The following PCDHB16 variants were observed in gnomAD, a reference collection of about 807,000 sequenced individuals.
PCDHB16 encodes protocadherin beta 16, also known as protocadherin beta-16.
For synonymous variants in PCDHB16, 444 were observed against 436.5 expected (o/e 1.02, Z -0.21); for missense variants, 1,026 against 989.9 (o/e 1.04, Z -0.49).
rs369153413 is a variant in PCDHB16, at chr5:141,183,268, G to A, written c.709G>A (p.Asp237Asn). The A allele has an allele frequency of 1.7e-5, 27 of 1,614,180 alleles. No homozygotes were observed. In the Middle Eastern group the frequency reaches 9.9e-4, roughly 59 times the overall value. The change falls in exon 1 of 1, where the codon GAT (aspartate) becomes AAT (asparagine). Residue 237 changes from aspartate to asparagine, a missense_variant. Coordinates refer to ENST00000609684, the MANE Select transcript of PCDHB16 (RefSeq NM_020957.4). ...CCGTATTGAAGTGGTGGACATCAAT[G>A]ATAACGCTCCTGAGTTTGAGCAGCC... Reference protein sequence around the residue: ...QVRIEVVDINDNAPEFEQPIY... With the variant: ...QVRIEVVDINNNAPEFEQPIY...
chr5:141,184,909 G>T lies in PCDHB16; in HGVS notation c.*19G>T. 1.2e-6 allele frequency: 2 copies of T among 1,609,806 alleles called. No individual in the cohort carries two copies. Among genetic ancestry groups the T allele is most frequent in the Non-Finnish European group, 8.5e-7 (1 of 1,177,882 alleles). ...TCCTTAGGGCACTAGGAAAGAAATAGATTAAAATTCCACCCTTCACAATAG... is the reference window on the plus strand; with the variant it reads ...TCCTTAGGGCACTAGGAAAGAAATATATTAAAATTCCACCCTTCACAATAG... On this transcript the variant is annotated 3_prime_UTR_variant, in exon 1 of 1. Transcript: ENST00000609684.
rs1554282084 is a variant in PCDHB16 at position 141,183,145 on chromosome 5, T to C, written c.586T>C (p.Leu196=). The stretch of plus-strand genomic sequence containing the variant: ...TGGCAGGAAATACCCTGAGCTAGTG[T>C]TGGATAAAGAGCTGGATCGGGAGGA... ...RDGRKYPELV[L]DKELDREEEP... is the part of the protein sequence containing the mutation. The change falls in exon 1 of 1, where the codon TTG becomes CTG. Residue 196 remains leucine (L), a synonymous_variant. Coordinates refer to ENST00000609684, the MANE Select transcript of PCDHB16 (RefSeq NM_020957.4). The C allele has an allele frequency of 6.2e-7, 1 of 1,614,044 alleles. No individual in the cohort carries two copies. Among genetic ancestry groups the C allele is most frequent in the African/African-American group, 1.3e-5 (1 of 74,928 alleles).
Position 141,184,836 on chromosome 5 carries a change from A to T in PCDHB16, c.2277A>T (p.Ser759=), listed in dbSNP as rs782172376. ...YQYEVCLTGG[S]ETSEFKFLKP... is the part of the protein sequence containing the mutation. ...ACGAGGTGTGTCTGACAGGAGGCTC[A>T]GAAACAAGTGAGTTCAAGTTCCTGA... The change falls in exon 1 of 1, where the codon TCA becomes TCT. Residue 759 remains serine (S), a synonymous_variant. Coordinates refer to ENST00000609684, the MANE Select transcript of PCDHB16 (RefSeq NM_020957.4). 7 of 1,614,232 alleles carry T rather than the reference A, an allele frequency of 4.3e-6. No individual in the cohort carries two copies. Among genetic ancestry groups the T allele is most frequent in the Non-Finnish European group, 5.9e-6 (7 of 1,180,040 alleles).
At position 141,184,627 on chromosome 5, in the gene PCDHB16, CTGG is replaced by C; in HGVS notation, c.2075_2077del (p.Val692del). On this transcript the variant is annotated inframe_deletion, in exon 1 of 1. Transcript: ENST00000609684. The stretch of plus-strand genomic sequence containing the variant: ...CCAGGCCAACTCGCTCACTGTCTAC[CTGG>C]TGGTGGCGTTGGCCTCGGTGTCGTC... 6.2e-7 allele frequency: 1 copy of C among 1,612,822 alleles called. No homozygotes were observed. The highest frequency in any genetic ancestry group is 2.2e-5 in the East Asian group (1 of 44,868).
In PCDHB16 at chr5:141,184,007, A is replaced by G; in HGVS notation, c.1448A>G (p.Asn483Ser). ...GCCACAGACAGAGACTCGGGCACCAACGCCCAGGTCACCTACTCGCTGCTG... is the reference window on the plus strand; with the variant it reads ...GCCACAGACAGAGACTCGGGCACCAGCGCCCAGGTCACCTACTCGCTGCTG... Reference protein sequence around the residue: ...VSATDRDSGTNAQVTYSLLPP... With the variant: ...VSATDRDSGTSAQVTYSLLPP... The change falls in exon 1 of 1, where the codon AAC becomes AGC. Residue 483 changes from asparagine (N) to serine (S), a missense_variant. Coordinates refer to ENST00000609684, the MANE Select transcript of PCDHB16 (RefSeq NM_020957.4). 2 of 1,607,384 alleles carry G rather than the reference A, an allele frequency of 1.2e-6. No homozygotes were observed. Among genetic ancestry groups the G allele is most frequent in the Non-Finnish European group, 1.7e-6 (2 of 1,178,814 alleles).
Position 141,183,736 on chromosome 5 carries a change from C to A in PCDHB16, c.1177C>A (p.Leu393Ile). Residue 393 changes from leucine (L) to isoleucine (I), a missense_variant, in exon 1 of 1, where the codon CTA (leucine) becomes ATA (isoleucine). Transcript: ENST00000609684. ...SSIQEDLPFL[L>I]KPSVKNFYTL... Reference sequence around the variant, plus strand: ...CATCCAGGAAGACCTTCCCTTTCTTCTAAAACCTTCAGTCAAGAACTTTTA... The same window carrying A: ...CATCCAGGAAGACCTTCCCTTTCTTATAAAACCTTCAGTCAAGAACTTTTA... 6.2e-7 allele frequency: 1 copy of A among 1,614,178 alleles called. No homozygotes were observed. The highest frequency in any genetic ancestry group is 8.5e-7 in the Non-Finnish European group (1 of 1,180,022).
Position 141,183,273 on chromosome 5 carries a change from C to T in PCDHB16, c.714C>T (p.Asn238=), listed in dbSNP as rs965684365. 6.2e-6 allele frequency: 10 copies of T among 1,614,056 alleles called. No individual in the cohort carries two copies. Among genetic ancestry groups the T allele is most frequent in the Admixed American group, 3.3e-5 (2 of 60,008 alleles). ...TTGAAGTGGTGGACATCAATGATAA[C>T]GCTCCTGAGTTTGAGCAGCCCATCT... The part of the protein sequence containing the change: ...VRIEVVDIND[N]APEFEQPIYK... The change falls in exon 1 of 1, where the codon AAC becomes AAT. Residue 238 remains asparagine (N), a synonymous_variant. Transcript: ENST00000609684.
In PCDHB16 at chr5:141,185,880, CA is replaced by C. The variant is rs1486319457; in HGVS notation, c.*991del. 1 of 990,088 alleles carries C rather than the reference CA, an allele frequency of 1.0e-6. No homozygotes were observed. Among genetic ancestry groups the C allele is most frequent in the African/African-American group, 1.8e-5 (1 of 57,100 alleles). The allele number at this position is 990,088 out of a possible 1,614,324, so 61.3% of individuals were successfully genotyped here. ...AATAAAAAGAGAAGCCATTGTAAGA[CA>C]TTCAGTATGTGTAAATGTGTTTGTG... On this transcript the variant is annotated 3_prime_UTR_variant, in exon 1 of 1. Coordinates refer to ENST00000609684, the MANE Select transcript of PCDHB16 (RefSeq NM_020957.4).
chr5:141,185,389 C>CT lies in PCDHB16; in HGVS notation c.*502dup. 1.3e-6 allele frequency: 1 copy of CT among 750,200 alleles called. No individual in the cohort carries two copies. The highest frequency in any genetic ancestry group is 1.6e-6 in the Non-Finnish European group (1 of 608,966). The allele number at this position is 750,200 out of a possible 1,614,324, so 46.5% of individuals were successfully genotyped here. A position where few individuals can be genotyped will look rare whatever the true frequency, so the allele number is the denominator to read the frequency against. On this transcript the variant is annotated 3_prime_UTR_variant, in exon 1 of 1. Coordinates refer to ENST00000609684, the MANE Select transcript of PCDHB16 (RefSeq NM_020957.4). The stretch of plus-strand genomic sequence containing the variant: ...ATAATACTTTTCTTAAAGTTTCTTT[C>CT]TTTCTTTTCTTTTCTTTCTTTTTTT...
At position 141,184,470 on chromosome 5, in the gene PCDHB16, G is replaced by T; in HGVS notation, c.1911G>T (p.Lys637Asn). ...TGCTGAGCGAGCGCGACGCAGCCAA[G>T]CAGAGGCTGGTGGTGCTGGTCAAGG... is the stretch of plus-strand genomic sequence containing the variant. ...ARLLSERDAAKQRLVVLVKDN... is the reference protein window; with the variant it reads ...ARLLSERDAANQRLVVLVKDN... The change falls in exon 1 of 1, where the codon AAG becomes AAT. Residue 637 changes from lysine to asparagine, a missense_variant. By Grantham distance (94) the Lys-to-Asn change is moderately conservative (BLOSUM62 0). Coordinates refer to ENST00000609684, the MANE Select transcript of PCDHB16 (RefSeq NM_020957.4). 1 of 1,608,890 alleles carries T rather than the reference G, an allele frequency of 6.2e-7. No homozygotes were observed. The highest frequency in any genetic ancestry group is 8.5e-7 in the Non-Finnish European group (1 of 1,179,614).
In PCDHB16 at chr5:141,183,550, T is replaced by G; in HGVS notation, c.991T>G (p.Cys331Gly). The G allele has an allele frequency of 1.2e-6, 2 of 1,614,152 alleles. No homozygotes were observed. Among genetic ancestry groups the G allele is most frequent in the Non-Finnish European group, 1.7e-6 (2 of 1,180,036 alleles). ...ATDGGGLSGK[C>G]TLLLQVVDVN... ...AGATGGGGGAGGTCTTTCAGGAAAG[T>G]GCACTCTTCTCCTGCAGGTGGTGGA... is the stretch of plus-strand genomic sequence containing the variant. Residue 331 changes from cysteine to glycine, a missense_variant, in exon 1 of 1, where the codon TGC becomes GGC. Physicochemically the swap from Cys to Gly is radical, Grantham distance 159. Coordinates refer to ENST00000609684, the MANE Select transcript of PCDHB16 (RefSeq NM_020957.4).
rs1554282013 is a variant in PCDHB16 at position 141,182,733 on chromosome 5, G to A, written c.174G>A (p.Glu58=). 6.2e-7 allele frequency: 1 copy of A among 1,612,004 alleles called. No individual in the cohort carries two copies. The highest frequency in any genetic ancestry group is 8.5e-7 in the Non-Finnish European group (1 of 1,178,558). The change falls in exon 1 of 1, where the codon GAG becomes GAA. Residue 58 remains glutamate (E), a synonymous_variant. Transcript: ENST00000609684. ...AAGACCTGGGGTTGGGGTTGACAGA[G>A]ATGTCCACCCGCAAGGCCAGGATCA... The part of the protein sequence containing the change: ...LGKDLGLGLT[E]MSTRKARIIS...
Position 141,183,177 on chromosome 5 carries a change from T to G in PCDHB16, c.618T>G (p.Pro206=), listed in dbSNP as rs1554282095. 2 of 1,614,176 alleles carry G rather than the reference T, an allele frequency of 1.2e-6. No homozygotes were observed. The highest frequency in any genetic ancestry group is 1.1e-5 in the South Asian group (1 of 91,084). ...AAGAGCTGGATCGGGAGGAGGAGCC[T>G]CAACTAAGATTAACCCTGACAGCGC... ...LDKELDREEE[P]QLRLTLTALD... The change falls in exon 1 of 1, where the codon CCT becomes CCG. Residue 206 remains proline, a synonymous_variant. Transcript: ENST00000609684.
rs782293837 is a variant in PCDHB16 at position 141,183,263 on chromosome 5, T to A, written c.704T>A (p.Ile235Asn). The A allele has an allele frequency of 4.4e-5, 71 of 1,614,036 alleles. No individual in the cohort carries two copies. The highest frequency in any genetic ancestry group is 5.9e-5 in the Non-Finnish European group (70 of 1,180,030). Reference protein sequence around the residue: ...TAQVRIEVVDINDNAPEFEQP... With the variant: ...TAQVRIEVVDNNDNAPEFEQP... Reference sequence around the variant, plus strand: ...CAGGTCCGTATTGAAGTGGTGGACATCAATGATAACGCTCCTGAGTTTGAG... The same window carrying A: ...CAGGTCCGTATTGAAGTGGTGGACAACAATGATAACGCTCCTGAGTTTGAG... The change falls in exon 1 of 1, where the codon ATC becomes AAC. Residue 235 changes from isoleucine to asparagine, a missense_variant. Ile to Asn is a moderately radical substitution (Grantham distance 149, BLOSUM62 -3). Coordinates refer to ENST00000609684, the MANE Select transcript of PCDHB16 (RefSeq NM_020957.4).
At position 141,183,064 on chromosome 5, in the gene PCDHB16, A is replaced by T. The variant is rs782521603; in HGVS notation, c.505A>T (p.Asn169Tyr). ...GGACGTAGGAAGCAATAATGTTCAA[A>T]ACTATAAAATCAGCCCAAGCTCTCA... is the stretch of plus-strand genomic sequence containing the variant. Reference protein sequence around the residue: ...DLDVGSNNVQNYKISPSSHFR... With the variant: ...DLDVGSNNVQYYKISPSSHFR... Residue 169 changes from asparagine to tyrosine, a missense_variant, in exon 1 of 1, where the codon AAC becomes TAC. By Grantham distance (143) the Asn-to-Tyr change is moderately radical. Transcript: ENST00000609684. The T allele has an allele frequency of 6.2e-7, 1 of 1,614,200 alleles. No individual in the cohort carries two copies. The highest frequency in any genetic ancestry group is 1.1e-5 in the South Asian group (1 of 91,084).
rs1753616625 is a variant in PCDHB16 at position 141,183,378 on chromosome 5, C to A, written c.819C>A (p.Ala273=). The change falls in exon 1 of 1, where the codon GCC becomes GCA. Residue 273 remains alanine, a synonymous_variant. Coordinates refer to ENST00000609684, the MANE Select transcript of PCDHB16 (RefSeq NM_020957.4). The part of the protein sequence containing the change: ...TVSARDLDGG[A]NGKISYTLFQ... ...CCGCCAGGGATTTAGACGGCGGAGCCAATGGAAAAATATCATACACACTCT... is the reference window on the plus strand; with the variant it reads ...CCGCCAGGGATTTAGACGGCGGAGCAAATGGAAAAATATCATACACACTCT... 6.2e-7 allele frequency: 1 copy of A among 1,614,024 alleles called. No individual in the cohort carries two copies. Among genetic ancestry groups the A allele is most frequent in the Non-Finnish European group, 8.5e-7 (1 of 1,180,020 alleles).
chr5:141,184,594 G>C lies in PCDHB16; in HGVS notation c.2035G>C (p.Gly679Arg), dbSNP rs201005937. ...CCTGCCGCTCCCAGAGGCGGCCCCC[G>C]GCCAGACCCAGGCCAACTCGCTCAC... ...PFLPLPEAAPGQTQANSLTVY... is the reference protein window; with the variant it reads ...PFLPLPEAAPRQTQANSLTVY... Residue 679 changes from glycine (G) to arginine (R), a missense_variant, in exon 1 of 1, where the codon GGC (glycine) becomes CGC (arginine). Physicochemically the swap from Gly to Arg is moderately radical, Grantham distance 125 (BLOSUM62 -2). Coordinates refer to ENST00000609684, the MANE Select transcript of PCDHB16 (RefSeq NM_020957.4). 1.2e-6 allele frequency: 2 copies of C among 1,612,452 alleles called. No homozygotes were observed. Among genetic ancestry groups the C allele is most frequent in the South Asian group, 1.1e-5 (1 of 91,048 alleles).
In PCDHB16 at chr5:141,182,435, G is replaced by A. The variant is rs540771106; in HGVS notation, c.-125G>A. On this transcript the variant is annotated 5_prime_UTR_variant, in exon 1 of 1. Transcript: ENST00000609684. ...AGAATAGCTGAGCCAGAGCGAACGTGAGTGTGAAACCTCTTTAAGACACCG... is the reference window on the plus strand; with the variant it reads ...AGAATAGCTGAGCCAGAGCGAACGTAAGTGTGAAACCTCTTTAAGACACCG... The A allele has an allele frequency of 6.6e-6, 5 of 757,174 alleles. No individual in the cohort carries two copies. The East Asian group carries it at 1.1e-4, about 16-fold the overall frequency. The allele number at this position is 757,174 out of a possible 1,614,324, so 46.9% of individuals were successfully genotyped here. A position where few individuals can be genotyped will look rare whatever the true frequency, so the allele number is the denominator to read the frequency against.
rs1444240356 is a variant in PCDHB16, at chr5:141,185,896, ATGTGTT to A, written c.*1016_*1021del. The A allele has an allele frequency of 3.0e-6, 3 of 988,020 alleles. No individual in the cohort carries two copies. In the African/African-American group the frequency reaches 5.3e-5, roughly 17 times the overall value. The allele number at this position is 988,020 out of a possible 1,614,324, so 61.2% of individuals were successfully genotyped here. ...ATTGTAAGACATTCAGTATGTGTAA[ATGTGTT>A]TGTGTTTGTAGACAAAAGGCAAAGG... On this transcript the variant is annotated 3_prime_UTR_variant, in exon 1 of 1. Coordinates refer to ENST00000609684, the MANE Select transcript of PCDHB16 (RefSeq NM_020957.4).
Sources: allele counts gnomAD v4.1 joint callset, GRCh38; gene constraint gnomAD v4.1.1; transcripts MANE v1.5; gene names NCBI Gene and HGNC (gene_info 2026-07-23, HGNC 2026-07-21).